Variants in AKAP4 observed in about 807,000 individuals in gnomAD.
The protein encoded by AKAP4 is A-kinase anchor protein 4.
AKAP4 carries 4 observed loss-of-function variants against 42.6 expected under a neutral mutation model. The observed-to-expected ratio is 0.09, with a 90% CI of 0.05 to 0.22. The LOEUF is 0.22. Among genes scored for constraint, AKAP4 ranks in the 10% least tolerant of loss-of-function variants. The probability of loss-of-function intolerance (pLI) is 1.00; values close to 1 mark genes in which losing one functional copy is unlikely to be tolerated. For synonymous variants in AKAP4, 223 were observed against 233.0 expected (o/e 0.96, Z 0.39); for missense variants, 551 against 630.7 (o/e 0.87, Z 1.35).
chrX:50,193,334 C>A lies in AKAP4; in HGVS notation c.1379G>T (p.Cys460Phe), dbSNP rs1481669131. 15 of 1,209,767 alleles carry A rather than the reference C, an allele frequency of 1.2e-5. No homozygotes were observed. Among genetic ancestry groups the A allele is most frequent in the Non-Finnish European group, 1.7e-5 (15 of 895,244 alleles). ...SLKAGSHDPK[C>F]RNQSLEFSTM... The stretch of plus-strand genomic sequence containing the variant: ...GGAGAATTCAAGACTCTGATTCCTG[C>A]ATTTGGGATCATGGGACCCAGCTTT... Residue 460 changes from cysteine (C) to phenylalanine (F), a missense_variant, in exon 5 of 6, where the codon TGC becomes TTC. By Grantham distance (205) the Cys-to-Phe change is radical. Transcript: ENST00000358526.
rs1557204414 is a variant in AKAP4 at position 50,196,927 on chromosome X, G to A, written c.240C>T (p.Ile80=). The A allele has an allele frequency of 2.5e-6, 3 of 1,209,686 alleles. No individual in the cohort carries two copies. Among genetic ancestry groups the A allele is most frequent in the African/African-American group, 1.7e-5 (1 of 57,632 alleles). Residue 80 remains isoleucine (I), a synonymous_variant, in exon 4 of 6, where the codon ATC becomes ATT. Transcript: ENST00000358526. The part of the protein sequence containing the change: ...NLGSLEEKEI[I]VIKDTEKKDQ... ...CTTTCTTCTCAGTGTCCTTGATCAC[G>A]ATAATCTCTTTTTCTTCCAGACTTC...
intron 5 of AKAP4, 72 bp from the exon 6 acceptor site, chrX:50,191,187 A>G (rs1935104243): frequency 1.8e-6 from 2 of 1,130,520 alleles, no homozygotes; most frequent in African/African-American, 3.6e-5. Context: ...ACGAAGTTCT[A>G]CCACCCAACC....
chrX:50,193,332 T>C lies in AKAP4; in HGVS notation c.1381A>G (p.Arg461Gly), dbSNP rs1197798045. Reference sequence around the variant, plus strand: ...GTGGAGAATTCAAGACTCTGATTCCTGCATTTGGGATCATGGGACCCAGCT... The same window carrying C: ...GTGGAGAATTCAAGACTCTGATTCCCGCATTTGGGATCATGGGACCCAGCT... ...LKAGSHDPKC[R>G]NQSLEFSTMK... Residue 461 changes from arginine (R) to glycine (G), a missense_variant, in exon 5 of 6, where the codon AGG becomes GGG. Coordinates refer to ENST00000358526, the MANE Select transcript of AKAP4 (RefSeq NM_003886.3). 2.5e-6 allele frequency: 3 copies of C among 1,209,947 alleles called. No homozygotes were observed. Among genetic ancestry groups the C allele is most frequent in the Non-Finnish European group, 1.1e-6 (1 of 895,307 alleles).
chrX:50,190,844 G>T lies in AKAP4; in HGVS notation c.*116C>A. On this transcript the variant is annotated 3_prime_UTR_variant, in exon 6 of 6. Coordinates refer to ENST00000358526, the MANE Select transcript of AKAP4 (RefSeq NM_003886.3). ...CTTACATTCACAGGCAACTGCTCAA[G>T]TGTATTGGGAAATACAGTTGTGTAT... The T allele has an allele frequency of 2.4e-6, 2 of 839,102 alleles. No individual in the cohort carries two copies. The highest frequency in any genetic ancestry group is 3.3e-6 in the Non-Finnish European group (2 of 608,244). The allele number at this position is 839,102 out of a possible 1,213,427, so 69.2% of individuals were successfully genotyped here.
chrX:50,200,258 G>A, intron 1 of AKAP4: 1 of 753,762 alleles, frequency 1.3e-6, no homozygotes, highest in Non-Finnish European at 1.6e-6. Context: ...TTAGATGTTT[G>A]GCTGAAAACG....
At chrX:50,196,327 G>A (rs1283959003) in intron 4 of AKAP4, among the ~76,000 whole-genome samples, 9 of 111,621 alleles carry the variant, frequency 8.1e-5, no homozygotes, top group Admixed American at 6.7e-4. Flanking sequence ...GTATGAGAGG[G>A]TGACTTGTTG....
chrX:50,197,072 A>G, intron 3 of AKAP4, 80 bp from the exon 4 acceptor site: 1 of 672,849 alleles, frequency 1.5e-6, no homozygotes, highest in Non-Finnish European at 2.4e-6. Context: ...TATGACTTCA[A>G]ATCATGAATG....
rs1557203934 is a variant in AKAP4, at chrX:50,193,319, A to G, written c.1394T>C (p.Leu465Pro). The change falls in exon 5 of 6, where the codon CTT becomes CCT. Residue 465 changes from leucine (L) to proline (P), a missense_variant. Physicochemically the swap from Leu to Pro is moderately conservative, Grantham distance 98. Transcript: ENST00000358526. ...SHDPKCRNQSLEFSTMKAEMK... is the reference protein window; with the variant it reads ...SHDPKCRNQSPEFSTMKAEMK... ...TTCAGCTTTCATGGTGGAGAATTCA[A>G]GACTCTGATTCCTGCATTTGGGATC... The G allele has an allele frequency of 8.3e-7, 1 of 1,211,650 alleles. No individual in the cohort carries two copies. Among genetic ancestry groups the G allele is most frequent in the South Asian group, 1.8e-5 (1 of 56,968 alleles).
In AKAP4 at chrX:50,193,077, C is replaced by T; in HGVS notation, c.1636G>A (p.Val546Ile). The change falls in exon 5 of 6, where the codon GTC becomes ATC. Residue 546 changes from valine to isoleucine, a missense_variant. Physicochemically the swap from Val to Ile is conservative, Grantham distance 29. Transcript: ENST00000358526. ...TACTGGATCAGCTTAAGGGCAGAGA[C>T]AATCAGGTCCTTGGCCAGTGAATCT... ...STDSLAKDLI[V>I]SALKLIQYHL... The T allele has an allele frequency of 8.3e-7, 1 of 1,211,947 alleles. No individual in the cohort carries two copies.
Position 50,192,431 on chromosome X carries a change from A to T in AKAP4, c.2282T>A (p.Val761Asp). ...YQDSLGHEVI[V>D]NNQCSTNSLQ... The stretch of plus-strand genomic sequence containing the variant: ...GCTATTTGTAGAGCACTGATTATTG[A>T]CAATTACTTCATGTCCAAGAGAGTC... The change falls in exon 5 of 6, where the codon GTC (valine) becomes GAC (aspartate). Residue 761 changes from valine to aspartate, a missense_variant. By Grantham distance (152) the Val-to-Asp change is radical (BLOSUM62 -3). Coordinates refer to ENST00000358526, the MANE Select transcript of AKAP4 (RefSeq NM_003886.3). The T allele has an allele frequency of 8.3e-7, 1 of 1,207,059 alleles. No individual in the cohort carries two copies. The highest frequency in any genetic ancestry group is 1.1e-6 in the Non-Finnish European group (1 of 892,924).
intron 1 of AKAP4, chrX:50,200,349 C>G: frequency 1.3e-6 from 1 of 754,993 alleles, no homozygotes. Flanking sequence ...TGGCTGCCAC[C>G]CCTGTCAGCT....
At chrX:50,200,393 G>GT (rs1334818323) in intron 1 of AKAP4, 6 of 753,326 alleles carry the variant, frequency 8.0e-6, no homozygotes, top group Middle Eastern at 7.6e-4. Context: ...GCTTTCCCCT[G>GT]CTGCCTCTGA....
rs1175987288 is a variant in AKAP4 at position 50,199,272 on chromosome X, T to C, written c.28-520A>G. On this transcript the variant is annotated intron_variant, in intron 1 of 5. Coordinates refer to ENST00000358526, the MANE Select transcript of AKAP4 (RefSeq NM_003886.3). ...AGCTATAACACATCACTCAGAGCCATTGGAAAATACTAAAGTCAATAGCAG... is the reference window on the plus strand; with the variant it reads ...AGCTATAACACATCACTCAGAGCCACTGGAAAATACTAAAGTCAATAGCAG... Among the ~76,000 whole-genome samples the C allele has an allele frequency of 2.7e-5, 3 of 111,004 alleles. No individual in the cohort carries two copies. In the Admixed American group the frequency reaches 2.9e-4, roughly 11 times the overall value.
intron 2 of AKAP4, among the ~76,000 whole-genome samples, chrX:50,198,422 G>C (rs1557204563): frequency 9.1e-6 from 1 of 109,722 alleles, no homozygotes; most frequent in East Asian, 2.9e-4. Context: ...CCTCCCTCAG[G>C]CTCCTCCCCA....
chrX:50,192,265 C>A, intron 5 of AKAP4, 39 bp downstream of exon 5: 1 of 1,098,800 alleles, frequency 9.1e-7, no homozygotes, highest in South Asian at 2.2e-5. Context: ...TGCCTCTGCC[C>A]ATTCCAACTT....
chrX:50,195,116 TAC>T (rs1935172703), intron 4 of AKAP4, among the ~76,000 whole-genome samples: 1 of 112,353 alleles, frequency 8.9e-6, no homozygotes, highest in South Asian at 3.6e-4. Context: ...CATATTAACA[TAC>T]ACATTCATTA....
chrX:50,197,770 T>C (rs1180156019), intron 2 of AKAP4, among the ~76,000 whole-genome samples, 176 bp from the exon 3 acceptor site: 5 of 112,043 alleles, frequency 4.5e-5, no homozygotes, highest in African/African-American at 1.6e-4. Context: ...ACCCAATAAA[T>C]GTTAATACTG....
At chrX:50,197,477 C>T in intron 3 of AKAP4, 67 bp downstream of exon 3, 1 of 1,005,779 alleles carries the variant, frequency 9.9e-7, no homozygotes, top group Non-Finnish European at 1.4e-6. Flanking sequence ...TTCCATTCTT[C>T]ATACTTCACT....
chrX:50,196,196 T>G (rs1394115494), intron 4 of AKAP4, among the ~76,000 whole-genome samples: 2 of 111,606 alleles, frequency 1.8e-5, no homozygotes, highest in Non-Finnish European at 3.8e-5. Context: ...TTCTGGAGTC[T>G]GGGGTCAGAA....
Sources: gnomAD v4.1 joint callset for allele counts (sites outside exome capture counted in the v4.1 genomes callset) on GRCh38, gnomAD v4.1.1 for gene constraint, MANE v1.5 for transcripts, NCBI Gene and HGNC (gene_info 2026-07-23, HGNC 2026-07-21) for gene names.